Variants in ZFYVE28 observed in about 807,000 individuals in gnomAD.
ZFYVE28 encodes lateral signaling target protein 2 homolog.
In ZFYVE28, 40 loss-of-function variants were observed where a neutral mutation model predicts 82.1. The observed-to-expected ratio is 0.49, with a 90% CI of 0.38 to 0.63. The LOEUF (loss-of-function observed/expected upper bound fraction) is 0.63. ZFYVE28 is among the 30% of genes least tolerant of loss of function. The pLI, the probability that ZFYVE28 is intolerant of heterozygous loss-of-function variation, is 0.00. For synonymous variants in ZFYVE28, 612 were observed against 546.1 expected (o/e 1.12, Z -1.68); for missense variants, 1,321 against 1,242.1 (o/e 1.06, Z -0.96).
At chr4:2,306,802 G>T (rs982866666) in intron 7 of ZFYVE28, 5 of 152,226 alleles carry the variant, frequency 3.3e-5, no homozygotes, top group Non-Finnish European at 5.9e-5. Flanking sequence ...CCATCATAAA[G>T]CACGTTGCCA....
chr4:2,306,367 T>G, intron 7 of ZFYVE28, among the ~76,000 whole-genome samples: 1 of 152,256 alleles, frequency 6.6e-6, no homozygotes, highest in Non-Finnish European at 1.5e-5. Flanking sequence ...AGAACTTTCA[T>G]AAGCTGAATC....
At chr4:2,310,817 A>G (rs1717370405) in intron 7 of ZFYVE28, among the ~76,000 whole-genome samples, 1 of 152,208 alleles carries the variant, frequency 6.6e-6, no homozygotes, top group African/African-American at 2.4e-5. Flanking sequence ...ATTATAAAAA[A>G]AGTTAGAAAA....
Position 2,273,309 on chromosome 4 carries a change from G to A in ZFYVE28, c.2207-20C>T. On this transcript the variant is annotated intron_variant, in intron 9 of 12. Coordinates refer to ENST00000290974, the MANE Select transcript of ZFYVE28 (RefSeq NM_020972.3). ...CCACACCTGAGGAAGGAAGGCCACA[G>A]TAACCACGACAGAAGGACGGATGGA... is the stretch of plus-strand genomic sequence containing the variant. The A allele has an allele frequency of 6.2e-7, 1 of 1,601,918 alleles. No homozygotes were observed. The highest frequency in any genetic ancestry group is 8.5e-7 in the Non-Finnish European group (1 of 1,174,112).
Position 2,300,370 on chromosome 4 carries a change from A to G in ZFYVE28, c.2051+3919T>C, listed in dbSNP as rs1221139290. The stretch of plus-strand genomic sequence containing the variant: ...CTTTTAAAAAATGTCAACTTCTCCA[A>G]AAGGATTCATTGACCACTGAGAAGG... On this transcript the variant is annotated intron_variant, in intron 8 of 12. Transcript: ENST00000290974. The surrounding 1 kb of genome is among the most constrained non-coding windows in gnomAD (Gnocchi z 4.6). Among the ~76,000 whole-genome samples the G allele has an allele frequency of 1.3e-5, 2 of 152,334 alleles. No individual in the cohort carries two copies. Among genetic ancestry groups the G allele is most frequent in the African/African-American group, 2.4e-5 (1 of 41,576 alleles).
At chr4:2,324,311 TCA>T (rs1477028056) in intron 6 of ZFYVE28, among the ~76,000 whole-genome samples, 1 of 152,194 alleles carries the variant, frequency 6.6e-6, no homozygotes, top group Non-Finnish European at 1.5e-5. Context: ...TCAGCTGTAC[TCA>T]GAGTCTACTG....
intron 1 of ZFYVE28, among the ~76,000 whole-genome samples, chr4:2,374,409 C>T (rs952415292): frequency 2.0e-5 from 3 of 151,906 alleles, no homozygotes; most frequent in Non-Finnish European, 2.9e-5. Context: ...TCCAGGAGCT[C>T]GAGACCAGCC....
At chr4:2,400,286 C>A (rs1731036391) in intron 1 of ZFYVE28, among the ~76,000 whole-genome samples, 1 of 152,202 alleles carries the variant, frequency 6.6e-6, no homozygotes. Flanking sequence ...TAAGTGCCAT[C>A]AATGACGCCC....
intron 8 of ZFYVE28, among the ~76,000 whole-genome samples, chr4:2,279,508 A>ACG (rs1193737549): frequency 3.9e-5 from 6 of 152,156 alleles, no homozygotes; most frequent in East Asian, 3.9e-4. Context: ...GGCCGGGTGC[A>ACG]GTGGCTCACA....
At chr4:2,378,930 G>A (rs1218927000) in intron 1 of ZFYVE28, among the ~76,000 whole-genome samples, 3 of 152,212 alleles carry the variant, frequency 2.0e-5, no homozygotes, top group African/African-American at 7.2e-5. Context: ...ACTCCCACAA[G>A]GGTGGAAGCT....
intron 6 of ZFYVE28, among the ~76,000 whole-genome samples, chr4:2,327,796 G>C (rs1720103065): frequency 6.6e-6 from 1 of 152,142 alleles, no homozygotes; most frequent in Non-Finnish European, 1.5e-5. Context: ...TTTCTCAAAA[G>C]AAGACATACA....
At chr4:2,328,525 G>C (rs1191445294) in intron 6 of ZFYVE28, 1 of 152,110 alleles carries the variant, frequency 6.6e-6, no homozygotes, top group Non-Finnish European at 1.5e-5. Context: ...AATTGTAAGA[G>C]AGTAAATTTA....
chr4:2,305,078 C>A lies in ZFYVE28; in HGVS notation c.1262G>T (p.Gly421Val). 1 of 1,608,994 alleles carries A rather than the reference C, an allele frequency of 6.2e-7. No individual in the cohort carries two copies. The highest frequency in any genetic ancestry group is 8.5e-7 in the Non-Finnish European group (1 of 1,177,592). Residue 421 changes from glycine (G) to valine (V), a missense_variant, in exon 8 of 13, where the codon GGC becomes GTC. Gly to Val is a moderately radical substitution (Grantham distance 109). Coordinates refer to ENST00000290974, the MANE Select transcript of ZFYVE28 (RefSeq NM_020972.3). ...EALARPESPA[G>V]PFGWAGSTWA... ...GGTACTGCCTGCCCACCCAAATGGGCCAGCTGGGGACTCGGGCCTGGCCAG... is the reference window on the plus strand; with the variant it reads ...GGTACTGCCTGCCCACCCAAATGGGACAGCTGGGGACTCGGGCCTGGCCAG...
intron 8 of ZFYVE28, 84 bp downstream of exon 8, chr4:2,304,205 A>G: frequency 6.8e-7 from 1 of 1,476,396 alleles, no homozygotes; most frequent in Non-Finnish European, 9.0e-7. Flanking sequence ...AGGTAGAAAC[A>G]CTGCAATGCT....
intron 1 of ZFYVE28, among the ~76,000 whole-genome samples, chr4:2,363,664 T>C (rs1483175680): frequency 6.6e-6 from 1 of 152,210 alleles, no homozygotes; most frequent in Non-Finnish European, 1.5e-5. Context: ...TGTGAGCATG[T>C]AGGTCACCAG....
In ZFYVE28 at chr4:2,354,002, C is replaced by T; in HGVS notation, c.111G>A (p.Leu37=). 1 of 1,584,472 alleles carries T rather than the reference C, an allele frequency of 6.3e-7. No individual in the cohort carries two copies. Among genetic ancestry groups the T allele is most frequent in the African/African-American group, 1.4e-5 (1 of 73,696 alleles). Residue 37 remains leucine (L), a synonymous_variant, in exon 2 of 13, where the codon CTG becomes CTA. Coordinates refer to ENST00000290974, the MANE Select transcript of ZFYVE28 (RefSeq NM_020972.3). The stretch of plus-strand genomic sequence containing the variant: ...GGTCCTTCCGCCCATCCAGGCTGTC[C>T]AGCTCCGCGGCCACCTGGTTCAGCT... ...DEELNQVAAE[L]DSLDGRKDPQ...
In ZFYVE28 at chr4:2,411,844, C is replaced by T. The variant is rs537180684; in HGVS notation, c.39+6441G>A. ...CCCCTTCCCCGCTGCCACCCGAGCC[C>T]TGGAGTCCTCTCCTAGGTCCTGGGC... On this transcript the variant is annotated intron_variant, in intron 1 of 12. Transcript: ENST00000290974. Among the ~76,000 whole-genome samples the T allele has an allele frequency of 1.6e-4, 24 of 152,364 alleles. No homozygotes were observed. The East Asian group carries it at 4.6e-3, about 29-fold the overall frequency.
At chr4:2,412,273 A>G (rs1448248392) in intron 1 of ZFYVE28, among the ~76,000 whole-genome samples, 2 of 152,146 alleles carry the variant, frequency 1.3e-5, no homozygotes, top group African/African-American at 4.8e-5. Context: ...TGAGACTCCA[A>G]GAAACACTGA....
chr4:2,345,713 C>T (rs1029489793), intron 2 of ZFYVE28, among the ~76,000 whole-genome samples: 21 of 151,130 alleles, frequency 1.4e-4, no homozygotes, highest in Admixed American at 3.3e-4. Flanking sequence ...GCAGAAGACA[C>T]GTTTTTAAAA....
intron 6 of ZFYVE28, among the ~76,000 whole-genome samples, chr4:2,334,989 C>A (rs1261148750): frequency 6.6e-6 from 1 of 150,546 alleles, no homozygotes; most frequent in Non-Finnish European, 1.5e-5. Context: ...AGCAGCCTGA[C>A]CCCTGGGCTC....
Sources: allele counts gnomAD v4.1 joint callset (sites outside exome capture counted in the v4.1 genomes callset), GRCh38; gene constraint gnomAD v4.1.1; non-coding constraint Gnocchi (gnomAD v3.1); transcripts MANE v1.5; gene names NCBI Gene and HGNC (gene_info 2026-07-23, HGNC 2026-07-21).